The following MDN1 variants were observed in gnomAD, a reference collection of about 807,000 sequenced individuals.
The protein encoded by MDN1 is midasin.
In MDN1, 266 loss-of-function variants were observed where a neutral mutation model predicts 669.2. That is an observed-to-expected ratio of 0.40 (90% CI 0.36 to 0.44). The LOEUF is 0.44. Among genes scored for constraint, MDN1 ranks in the 20% least tolerant of loss-of-function variants. The pLI is 1.00. For missense variants in MDN1, 5,940 were observed against 6,754.0 expected (o/e 0.88, Z 4.22); for synonymous variants, 2,385 against 2,457.1 (o/e 0.97, Z 0.87).
At chr6:89,761,349 T>A (rs1817536182) in intron 17 of MDN1, among the ~76,000 whole-genome samples, 1 of 152,232 alleles carries the variant, frequency 6.6e-6, no homozygotes, top group Non-Finnish European at 1.5e-5. Context: ...TTTGAGATGA[T>A]GAATATTCAC....
chr6:89,747,657 C>A (rs1342652887), intron 26 of MDN1, among the ~76,000 whole-genome samples, 187 bp from the exon 27 acceptor site: 1 of 151,544 alleles, frequency 6.6e-6, no homozygotes. Context: ...TTTGGAAGGC[C>A]AAGGCGGGCG....
rs1304424141 is a variant in MDN1, at chr6:89,819,643, T to G, written c.-36A>C. 6.4e-7 allele frequency: 1 copy of G among 1,568,902 alleles called. No individual in the cohort carries two copies. Among genetic ancestry groups the G allele is most frequent in the Non-Finnish European group, 8.7e-7 (1 of 1,152,646 alleles). On this transcript the variant is annotated 5_prime_UTR_variant, in exon 1 of 102. Transcript: ENST00000369393. The stretch of plus-strand genomic sequence containing the variant: ...CCTCACCCCGAGCGGCCACCTGCGC[T>G]CCCTACTTCGCGGCCAGCGTCCCCA...
chr6:89,715,511 A>T, intron 45 of MDN1, 142 bp downstream of exon 45: 1 of 646,430 alleles, frequency 1.5e-6, no homozygotes, highest in South Asian at 1.8e-5. Context: ...CTCAGTAAGT[A>T]TTTGTTAAGT....
At chr6:89,703,441 G>A (rs1385386515) in intron 53 of MDN1, among the ~76,000 whole-genome samples, 1 of 151,990 alleles carries the variant, frequency 6.6e-6, no homozygotes, top group African/African-American at 2.4e-5. Context: ...ATACCATACG[G>A]TTTTGTTTAA....
chr6:89,738,454 A>G lies in MDN1; in HGVS notation c.4595T>C (p.Leu1532Pro), dbSNP rs1321196825. The change falls in exon 33 of 102, where the codon CTG becomes CCG. Residue 1532 changes from leucine (L) to proline (P), a missense_variant and splice_region_variant. Transcript: ENST00000369393. ...AAACCGGTTTCTTAAGGCAGGAGAC[A>G]GCTATAAGAAACACAAAACTTCAAT... is the stretch of plus-strand genomic sequence containing the variant. ...NPGGDFGKKE[L>P]SPALRNRFTE... The G allele has an allele frequency of 1.2e-6, 2 of 1,613,220 alleles. No homozygotes were observed. Among genetic ancestry groups the G allele is most frequent in the Admixed American group, 3.4e-5 (2 of 59,560 alleles).
intron 63 of MDN1, among the ~76,000 whole-genome samples, chr6:89,691,328 AT>A (rs1812365085): frequency 6.6e-6 from 1 of 152,214 alleles, no homozygotes; most frequent in Non-Finnish European, 1.5e-5. Context: ...CACTTCTAAG[AT>A]TTTAGATCTT....
chr6:89,678,142 C>T (rs191554668), intron 75 of MDN1, among the ~76,000 whole-genome samples: 1,970 of 152,098 alleles, frequency 0.013, 23 homozygotes, highest in Non-Finnish European at 0.022. Context: ...TGTGGTGGCA[C>T]GCGCCTGTAG....
At chr6:89,735,468 G>A (rs1815911442) in intron 33 of MDN1, among the ~76,000 whole-genome samples, 1 of 150,694 alleles carries the variant, frequency 6.6e-6, no homozygotes, top group African/African-American at 2.4e-5. Context: ...CAAACTCCTA[G>A]GCTCAAGGGT....
At chr6:89,815,219 C>T (rs1205967835) in intron 1 of MDN1, 8 of 394,534 alleles carry the variant, frequency 2.0e-5, no homozygotes, top group Non-Finnish European at 4.0e-5. Context: ...AGACTGCCTT[C>T]CAGAGCCCCT....
intron 35 of MDN1, among the ~76,000 whole-genome samples, chr6:89,730,032 G>A (rs1223054045): frequency 1.3e-5 from 2 of 152,118 alleles, no homozygotes; most frequent in Non-Finnish European, 2.9e-5. Flanking sequence ...CATAGAGAGG[G>A]CGGAGGGACA....
At chr6:89,784,508 T>C (rs1818852837) in intron 9 of MDN1, among the ~76,000 whole-genome samples, 1 of 151,998 alleles carries the variant, frequency 6.6e-6, no homozygotes, top group Non-Finnish European at 1.5e-5. Flanking sequence ...AAAAGGGAAG[T>C]GGGGCATGAA....
At chr6:89,670,170 A>ATATATATATATATATATTTT (rs1444537561) in intron 83 of MDN1, among the ~76,000 whole-genome samples, 1 of 23,412 alleles carries the variant, frequency 4.3e-5, no homozygotes. Flanking sequence ...ATATATATAT[A>ATATATATATATATATATTTT]TTTTTTTTTT....
At position 89,819,614 on chromosome 6, in the gene MDN1, G is replaced by C. The variant is rs1334319805; in HGVS notation, c.-7C>G. 1 of 1,600,132 alleles carries C rather than the reference G, an allele frequency of 6.2e-7. No homozygotes were observed. Among genetic ancestry groups the C allele is most frequent in the South Asian group, 1.1e-5 (1 of 91,074 alleles). ...CCAGCAAGAAGTGCTCCATGACCCA[G>C]GGCCCTCACCCCGAGCGGCCACCTG... On this transcript the variant is annotated 5_prime_UTR_variant, in exon 1 of 102. Coordinates refer to ENST00000369393, the MANE Select transcript of MDN1 (RefSeq NM_014611.3).
intron 59 of MDN1, 44 bp from the exon 60 acceptor site, chr6:89,696,618 A>G: frequency 6.7e-7 from 1 of 1,494,344 alleles, no homozygotes; most frequent in Non-Finnish European, 9.3e-7. Flanking sequence ...AAATTAAGAC[A>G]ATTTCCAGAA....
rs1815744847 is a variant in MDN1 at position 89,733,692 on chromosome 6, T to C, written c.4724-917A>G. Among the ~76,000 whole-genome samples the C allele has an allele frequency of 2.0e-5, 3 of 148,920 alleles. No homozygotes were observed. In the South Asian group the frequency reaches 6.3e-4, roughly 31 times the overall value. ...TGACAAAGCAAAGGGGAAATTCCAG[T>C]AACAATGAGGAAACAAATTAAATGC... is the stretch of plus-strand genomic sequence containing the variant. On this transcript the variant is annotated intron_variant, in intron 33 of 101. Transcript: ENST00000369393.
Position 89,648,068 on chromosome 6 carries a change from G to C in MDN1, c.16359C>G (p.Leu5453=). The change falls in exon 99 of 102, where the codon CTC becomes CTG. Residue 5453 remains leucine (L), a synonymous_variant. Coordinates refer to ENST00000369393, the MANE Select transcript of MDN1 (RefSeq NM_014611.3). The stretch of plus-strand genomic sequence containing the variant: ...TGGTTTTCTTTTGTTGGAATTTGCA[G>C]AGACGTAGAATCTGGGACCCAGAGT... ...SDYSGSQILR[L]CKFQQKKTKI... 6.2e-7 allele frequency: 1 copy of C among 1,614,136 alleles called. No individual in the cohort carries two copies. Among genetic ancestry groups the C allele is most frequent in the Non-Finnish European group, 8.5e-7 (1 of 1,179,980 alleles).
At chr6:89,661,369 G>T (rs2128301158) in intron 88 of MDN1, 62 bp downstream of exon 88, 1 of 1,545,838 alleles carries the variant, frequency 6.5e-7, no homozygotes, top group Non-Finnish European at 8.8e-7. Context: ...TTTCAAAAGA[G>T]AAATCAATTA....
At position 89,714,432 on chromosome 6, in the gene MDN1, T is replaced by C; in HGVS notation, c.7069+111A>G. Reference sequence around the variant, plus strand: ...CCACATTTTTAACAAGCTTTCCTGATAATTTCTATATACACTAAATGTACG... The same window carrying C: ...CCACATTTTTAACAAGCTTTCCTGACAATTTCTATATACACTAAATGTACG... On this transcript the variant is annotated intron_variant, in intron 46 of 101. Transcript: ENST00000369393. 3 of 1,010,396 alleles carry C rather than the reference T, an allele frequency of 3.0e-6. No individual in the cohort carries two copies. In the South Asian group the frequency reaches 5.8e-5, roughly 19 times the overall value. The allele number at this position is 1,010,396 out of a possible 1,614,324, so 62.6% of individuals were successfully genotyped here. A position where few individuals can be genotyped will look rare whatever the true frequency, so the allele number is the denominator to read the frequency against.
chr6:89,709,355 A>C (rs2128311420), intron 50 of MDN1, among the ~76,000 whole-genome samples: 1 of 152,356 alleles, frequency 6.6e-6, no homozygotes, highest in East Asian at 1.9e-4. Context: ...TTAAGGAGGG[A>C]ACCCATATTC....
Sources: gnomAD v4.1 joint callset for allele counts (sites outside exome capture counted in the v4.1 genomes callset) on GRCh38, gnomAD v4.1.1 for gene constraint, MANE v1.5 for transcripts, NCBI Gene and HGNC (gene_info 2026-07-23, HGNC 2026-07-21) for gene names.